LY9: variants seen among roughly 807,000 people sequenced by gnomAD.
LY9 encodes the protein lymphocyte antigen 9.
Under a neutral mutation model 64.6 loss-of-function variants are expected in LY9, and 59 were observed. That is an observed-to-expected ratio of 0.91 (90% CI 0.74 to 1.13). LY9 has a LOEUF of 1.13. Among genes scored for constraint, LY9 ranks in the 50% most tolerant of loss-of-function variants. The probability of loss-of-function intolerance (pLI) is 0.00; values close to 1 mark genes in which losing one functional copy is unlikely to be tolerated. For synonymous variants in LY9, 281 were observed against 308.5 expected, an observed-to-expected ratio of 0.91 and a Z score of 0.93; for missense variants, 789 against 797.2, an observed-to-expected ratio of 0.99 and a Z score of 0.12.
chr1:160,801,771 G>GC, intron 2 of LY9: 1 of 1,578,588 alleles, frequency 6.3e-7, no homozygotes. Flanking sequence ...TTCTGCATGT[G>GC]ACTATTCAAT....
At chr1:160,806,467 G>T (rs1667003623) in intron 2 of LY9, among the ~76,000 whole-genome samples, 1 of 152,134 alleles carries the variant, frequency 6.6e-6, no homozygotes, top group African/African-American at 2.4e-5. Context: ...CTCAGCATTT[G>T]CTTGTCTGGG....
At chr1:160,808,873 C>A (rs913721161) in intron 2 of LY9, among the ~76,000 whole-genome samples, 1 of 152,178 alleles carries the variant, frequency 6.6e-6, no homozygotes, top group Admixed American at 6.5e-5. Flanking sequence ...GAATTTCTCT[C>A]TCTAGGATAA....
At chr1:160,807,725 A>G (rs189298069) in intron 2 of LY9, among the ~76,000 whole-genome samples, 3 of 152,338 alleles carry the variant, frequency 2.0e-5, no homozygotes, top group Admixed American at 2.0e-4. Context: ...CCAGGACCAC[A>G]GGTGGCACTT....
chr1:160,814,036 C>T, intron 3 of LY9, 125 bp downstream of exon 3: 1 of 1,002,902 alleles, frequency 1.0e-6, no homozygotes, highest in South Asian at 1.6e-5. Flanking sequence ...GGCCCCAAAA[C>T]CCCTTATTCT....
intron 2 of LY9, among the ~76,000 whole-genome samples, chr1:160,807,795 C>T (rs1448623713): frequency 6.6e-6 from 1 of 152,154 alleles, no homozygotes; most frequent in East Asian, 1.9e-4. Context: ...GAAAAATGCT[C>T]AGGTGCCCAA....
At chr1:160,807,812 G>A (rs1452518725) in intron 2 of LY9, among the ~76,000 whole-genome samples, 4 of 152,146 alleles carry the variant, frequency 2.6e-5, no homozygotes, top group East Asian at 1.9e-4. Context: ...CCAAGGCAGT[G>A]GATTGGGTTG....
chr1:160,804,251 T>C (rs1666761709), intron 2 of LY9, among the ~76,000 whole-genome samples: 1 of 152,234 alleles, frequency 6.6e-6, no homozygotes, highest in Non-Finnish European at 1.5e-5. Flanking sequence ...TTTACTATTT[T>C]GAGGTATATT....
chr1:160,805,919 C>CTTTTTTTTTTT (rs60244350), intron 2 of LY9, among the ~76,000 whole-genome samples: 121 of 72,208 alleles, frequency 1.7e-3, no homozygotes, highest in African/African-American at 3.7e-3. Context: ...CATTCTTTGT[C>CTTTTTTTTTTT]TTTTTTTTTT....
Position 160,823,716 on chromosome 1 carries a change from G to A in LY9, c.1750G>A (p.Asp584Asn), listed in dbSNP as rs1668659702. Residue 584 changes from aspartate (D) to asparagine (N), a missense_variant, in exon 8 of 10, where the codon GAT becomes AAT. Transcript: ENST00000263285. ...AGCCCCTGAGGGCCAAGCAGACTAT[G>A]ATCCCGTCACTCCATATGTCACGGA... The part of the protein sequence containing the change: ...DPAPEGQADY[D>N]PVTPYVTEVE... The A allele has an allele frequency of 2.5e-6, 4 of 1,614,070 alleles. No homozygotes were observed. Among genetic ancestry groups the A allele is most frequent in the East Asian group, 2.2e-5 (1 of 44,900 alleles).
intron 1 of LY9, chr1:160,797,324 A>T: frequency 1.0e-6 from 1 of 979,170 alleles, no homozygotes; most frequent in Non-Finnish European, 1.2e-6. Context: ...TGGTGCCTGA[A>T]GGGAGCTTTA....
At position 160,799,946 on chromosome 1, in the gene LY9, A is replaced by T; in HGVS notation, c.318A>T (p.Arg106=). 1 of 1,613,886 alleles carries T rather than the reference A, an allele frequency of 6.2e-7. No individual in the cohort carries two copies. The change falls in exon 2 of 10, where the codon CGA becomes CGT. Residue 106 remains arginine (R), a synonymous_variant. Coordinates refer to ENST00000263285, the MANE Select transcript of LY9 (RefSeq NM_002348.4). ...VTIMVKSYLG[R]LDITKWSYSL... ...TTATGGTCAAAAGCTACCTGGGCCGACTAGACATCACCAAGTGGAGTTACT... is the reference window on the plus strand; with the variant it reads ...TTATGGTCAAAAGCTACCTGGGCCGTCTAGACATCACCAAGTGGAGTTACT...
At chr1:160,827,693 C>T in intron 9 of LY9, 55 bp from the exon 10 acceptor site, 1 of 1,389,204 alleles carries the variant, frequency 7.2e-7, no homozygotes, top group Non-Finnish European at 1.0e-6. Flanking sequence ...TTTCATCAGC[C>T]TCACTCTTCC....
chr1:160,804,458 C>T (rs1464005010), intron 2 of LY9, among the ~76,000 whole-genome samples: 3 of 152,134 alleles, frequency 2.0e-5, no homozygotes, highest in Non-Finnish European at 4.4e-5. Context: ...CATGTATTAT[C>T]TTTTTGATAT....
At chr1:160,825,951 AG>A (rs375538097) in intron 9 of LY9, among the ~76,000 whole-genome samples, 7 of 152,232 alleles carry the variant, frequency 4.6e-5, no homozygotes, top group African/African-American at 1.7e-4. Context: ...TGAACAATTC[AG>A]GGGTTTAGGA....
At chr1:160,801,161 T>C (rs1004962587) in intron 2 of LY9, among the ~76,000 whole-genome samples, 19 of 152,216 alleles carry the variant, frequency 1.2e-4, no homozygotes, top group African/African-American at 4.1e-4. Flanking sequence ...GCATAGTGGC[T>C]GTACTGGTTT....
chr1:160,819,467 TGTGG>T, intron 7 of LY9, 93 bp downstream of exon 7: 1 of 1,112,650 alleles, frequency 9.0e-7, no homozygotes, highest in South Asian at 1.2e-5. Flanking sequence ...TGGCCAGCAG[TGTGG>T]GCATCACCCA....
chr1:160,805,919 C>CTTTTTTTTTTTTTTTTTTTTTTTTTTTT (rs60244350), intron 2 of LY9, among the ~76,000 whole-genome samples: 1 of 72,458 alleles, frequency 1.4e-5, no homozygotes. Flanking sequence ...CATTCTTTGT[C>CTTTTTTTTTTTTTTTTTTTTTTTTTTTT]TTTTTTTTTT....
At chr1:160,806,577 A>G (rs1667010608) in intron 2 of LY9, among the ~76,000 whole-genome samples, 1 of 152,106 alleles carries the variant, frequency 6.6e-6, no homozygotes, top group Non-Finnish European at 1.5e-5. Flanking sequence ...TGGCCTGCAA[A>G]GTTTCTGCTG....
At chr1:160,804,025 T>C in intron 2 of LY9, among the ~76,000 whole-genome samples, 1 of 152,164 alleles carries the variant, frequency 6.6e-6, no homozygotes, top group East Asian at 1.9e-4. Flanking sequence ...AAAAATTACA[T>C]CATCAGCAAA....
Sources: allele counts gnomAD v4.1 joint callset (sites outside exome capture counted in the v4.1 genomes callset), GRCh38; gene constraint gnomAD v4.1.1; transcripts MANE v1.5; gene names NCBI Gene and HGNC (gene_info 2026-07-23, HGNC 2026-07-21).